AMPD3: variants seen among roughly 807,000 people sequenced by gnomAD.
AMPD3 encodes the protein AMP deaminase 3.
AMPD3 carries 57 observed loss-of-function variants against 82.3 expected under a neutral mutation model. That is an observed-to-expected ratio of 0.69 (90% CI 0.56 to 0.86). The LOEUF (loss-of-function observed/expected upper bound fraction) is 0.86. Ranked by LOEUF, AMPD3 falls within the 40% of genes least tolerant of loss-of-function variation. AMPD3 has a pLI of 0.00. For missense variants in AMPD3, 870 were observed against 1,003.8 expected, an observed-to-expected ratio of 0.87 and a Z score of 1.80; for synonymous variants, 381 against 394.7, an observed-to-expected ratio of 0.97 and a Z score of 0.41.
intron 2 of AMPD3, among the ~76,000 whole-genome samples, chr11:10,470,692 G>T (rs1591450866): frequency 6.6e-6 from 1 of 152,266 alleles, no homozygotes; most frequent in Non-Finnish European, 1.5e-5. Flanking sequence ...GCCAAATCAT[G>T]AGTGAACTCC....
chr11:10,476,473 T>G (rs78502341), intron 2 of AMPD3, among the ~76,000 whole-genome samples: 22,520 of 144,162 alleles, frequency 0.16, 1,979 homozygotes, highest in Non-Finnish European at 0.2. Context: ...GTGTTTTTTT[T>G]TTTGTGTGTG....
At chr11:10,503,528 C>T (rs1430643733) in intron 13 of AMPD3, among the ~76,000 whole-genome samples, 1 of 152,152 alleles carries the variant, frequency 6.6e-6, no homozygotes, top group Non-Finnish European at 1.5e-5. Flanking sequence ...CCCCTTTATA[C>T]TCTTAAGAAT....
intron 7 of AMPD3, chr11:10,494,518 C>CT: frequency 1.2e-6 from 1 of 865,430 alleles, no homozygotes; most frequent in Non-Finnish European, 1.4e-6. Context: ...ACAAAAAAAA[C>CT]TTTTGTTAAA....
intron 7 of AMPD3, 30 bp from the exon 8 acceptor site, chr11:10,494,869 T>C (rs372466767): frequency 1.2e-6 from 2 of 1,605,912 alleles, no homozygotes; most frequent in Non-Finnish European, 1.7e-6. Context: ...TGCAGAACGA[T>C]GCGTTGATTG....
chr11:10,451,484 T>C (rs990383614), upstream of AMPD3, among the ~76,000 whole-genome samples: 4 of 152,180 alleles, frequency 2.6e-5, no homozygotes, highest in Non-Finnish European at 5.9e-5. Flanking sequence ...CCTCTTTGGC[T>C]CTCTCCCGGC....
intron 13 of AMPD3, chr11:10,504,316 G>C (rs553043836): frequency 1.4e-6 from 1 of 725,732 alleles, no homozygotes; most frequent in South Asian, 6.1e-5. Flanking sequence ...TGAGGTCTCA[G>C]TGCTGGTCAA....
At chr11:10,470,757 A>C (rs1377279839) in intron 2 of AMPD3, among the ~76,000 whole-genome samples, 1 of 152,214 alleles carries the variant, frequency 6.6e-6, no homozygotes, top group Admixed American at 6.5e-5. Context: ...CTTACAAGGG[A>C]TGTGAAGGAC....
In AMPD3 at chr11:10,501,474, C is replaced by T. The variant is rs1475904696; in HGVS notation, c.1726C>T (p.Arg576Cys). The change falls in exon 12 of 15, where the codon CGC becomes TGC. Residue 576 changes from arginine (R) to cysteine (C), a missense_variant. By Grantham distance (180) the Arg-to-Cys change is radical. Transcript: ENST00000396553. Reference protein sequence around the residue: ...IMVLNNLRRERGLSTFLFRPH... With the variant: ...IMVLNNLRRECGLSTFLFRPH... Reference sequence around the variant, plus strand: ...CGGAAACCCCTTCTCTTACAGGGAGCGCGGCCTGAGCACGTTCCTGTTCCG... The same window carrying T: ...CGGAAACCCCTTCTCTTACAGGGAGTGCGGCCTGAGCACGTTCCTGTTCCG... The T allele has an allele frequency of 8.1e-6, 13 of 1,613,850 alleles. No individual in the cohort carries two copies. Among genetic ancestry groups the T allele is most frequent in the African/African-American group, 2.7e-5 (2 of 74,900 alleles).
intron 6 of AMPD3, chr11:10,488,319 A>G (rs1420330407): frequency 1.0e-6 from 1 of 985,314 alleles, no homozygotes; most frequent in East Asian, 1.1e-4. Context: ...CTTCCTGTCA[A>G]CCAGGTGGCT....
At chr11:10,489,276 C>T (rs115890635) in intron 6 of AMPD3, among the ~76,000 whole-genome samples, 428 of 152,248 alleles carry the variant, frequency 2.8e-3, no homozygotes, top group African/African-American at 9.9e-3. Flanking sequence ...CAAAGAAACG[C>T]CTTGCCCAGC....
chr11:10,472,981 C>G (rs909570159), intron 2 of AMPD3, among the ~76,000 whole-genome samples: 4 of 151,732 alleles, frequency 2.6e-5, no homozygotes, highest in Non-Finnish European at 4.4e-5. Flanking sequence ...TCCAGCCTGG[C>G]TGAGGGAGGG....
chr11:10,478,395 C>T (rs1256367889), intron 2 of AMPD3, 131 bp from the exon 3 acceptor site: 6 of 1,580,672 alleles, frequency 3.8e-6, no homozygotes, highest in Non-Finnish European at 5.2e-6. Flanking sequence ...TTAGAAACTT[C>T]TTAATGGTAG....
intron 1 of AMPD3, among the ~76,000 whole-genome samples, chr11:10,457,395 T>C (rs1848128794): frequency 6.6e-6 from 1 of 152,134 alleles, no homozygotes; most frequent in African/African-American, 2.4e-5. Flanking sequence ...TGATCCTTGA[T>C]TTTAATGAGC....
chr11:10,461,266 T>G (rs963741720), intron 1 of AMPD3: 3 of 1,429,192 alleles, frequency 2.1e-6, no homozygotes, highest in Non-Finnish European at 2.8e-6. Context: ...CCCACCTAGT[T>G]GAACAGTTCA....
chr11:10,503,895 T>G, intron 13 of AMPD3: 3 of 952,978 alleles, frequency 3.1e-6, no homozygotes, highest in Non-Finnish European at 3.7e-6. Context: ...CAGGGGTCCT[T>G]GACCTGTACT....
intron 1 of AMPD3, among the ~76,000 whole-genome samples, chr11:10,458,014 G>C (rs977934665): frequency 1.3e-5 from 2 of 152,078 alleles, no homozygotes; most frequent in Non-Finnish European, 2.9e-5. Flanking sequence ...GCCTGGTTGG[G>C]GGTGTCTGGG....
chr11:10,465,397 T>A (rs904234324), intron 2 of AMPD3, among the ~76,000 whole-genome samples: 13 of 152,070 alleles, frequency 8.5e-5, no homozygotes, highest in African/African-American at 2.9e-4. Context: ...AATTGATTTT[T>A]AAAAAATTAG....
At chr11:10,483,685 T>C (rs1848982169) in intron 4 of AMPD3, among the ~76,000 whole-genome samples, 1 of 152,264 alleles carries the variant, frequency 6.6e-6, no homozygotes, top group Non-Finnish European at 1.5e-5. Context: ...CCTCCTGAGC[T>C]GGCCTGTGGC....
At chr11:10,494,517 A>AT (rs397771836) in intron 7 of AMPD3, 134 of 979,616 alleles carry the variant, frequency 1.4e-4, no homozygotes, top group Non-Finnish European at 1.6e-4. Flanking sequence ...AACAAAAAAA[A>AT]CTTTTGTTAA....
Sources: gnomAD v4.1 joint callset for allele counts (sites outside exome capture counted in the v4.1 genomes callset) on GRCh38, gnomAD v4.1.1 for gene constraint, MANE v1.5 for transcripts, NCBI Gene and HGNC (gene_info 2026-07-23, HGNC 2026-07-21) for gene names.